The following TRIM36 variants were observed in gnomAD, a reference collection of about 807,000 sequenced individuals.
The protein encoded by TRIM36 is E3 ubiquitin-protein ligase TRIM36.
Under a neutral mutation model 72.4 loss-of-function variants are expected in TRIM36, and 42 were observed. The ratio of observed to expected loss-of-function variants is 0.58; its 90% CI spans 0.45 to 0.75. The LOEUF (loss-of-function observed/expected upper bound fraction) is 0.75, where lower values mean the gene tolerates loss of function less well. TRIM36 is among the 30% of genes least tolerant of loss of function. TRIM36 has a pLI of 0.00. For missense variants in TRIM36, 913 were observed against 857.1 expected (o/e 1.07, Z -0.81); for synonymous variants, 315 against 282.8 (o/e 1.11, Z -1.14).
At chr5:115,134,185 T>C (rs775040804) in intron 7 of TRIM36, 38 bp from the exon 8 acceptor site, 28 of 1,498,642 alleles carry the variant, frequency 1.9e-5, no homozygotes, top group Admixed American at 1.2e-4. Context: ...CATTAAAATA[T>C]TGACATTTGA....
rs191402881 is a variant in TRIM36 at position 115,136,913 on chromosome 5, T to A, written c.1210+87A>T. ...GGGCAAGTGAGATGCTGCTTTATAA[T>A]GTCAAATTTAAGAGAACTTGTGTTT... On this transcript the variant is annotated intron_variant, in intron 7 of 9. Transcript: ENST00000513154. The A allele has an allele frequency of 3.5e-3, 4,636 of 1,337,204 alleles. 9 individuals are homozygous for A. The highest frequency in any genetic ancestry group is 0.011 in the Middle Eastern group (47 of 4,432). 82.8% of individuals were successfully genotyped at this position (1,337,204 alleles called of 1,614,324 possible).
At chr5:115,162,123 T>C (rs929833415) in intron 2 of TRIM36, among the ~76,000 whole-genome samples, 1 of 152,172 alleles carries the variant, frequency 6.6e-6, no homozygotes, top group African/African-American at 2.4e-5. Flanking sequence ...ATAAGAAAAC[T>C]ATCATATTCT....
chr5:115,165,381 T>C (rs1266743820), intron 1 of TRIM36, among the ~76,000 whole-genome samples: 1 of 152,220 alleles, frequency 6.6e-6, no homozygotes, highest in African/African-American at 2.4e-5. Flanking sequence ...GATATCCAGG[T>C]GTTTCTGTAC....
intron 2 of TRIM36, among the ~76,000 whole-genome samples, chr5:115,158,363 G>T (rs188750540): frequency 6.6e-6 from 1 of 152,114 alleles, no homozygotes. Context: ...TTGGTTTATA[G>T]CAAATCCCCT....
In TRIM36 at chr5:115,175,647, CCTT is replaced by C. The variant is rs199552279; in HGVS notation, c.63+4325_63+4327del. On this transcript the variant is annotated intron_variant, in intron 1 of 9. Transcript: ENST00000282369. The stretch of plus-strand genomic sequence containing the variant: ...CTTTTACAAAGTAGTTTAGGAGACA[CCTT>C]TTTTTTTCAAATTATCTTTAGCGCA... Among the ~76,000 whole-genome samples the C allele has an allele frequency of 5.4e-3, 813 of 151,546 alleles. 1 individual carries two copies. Among genetic ancestry groups the C allele is most frequent in the Non-Finnish European group, 8.3e-3 (564 of 67,914 alleles).
chr5:115,177,777 T>C, intron 1 of TRIM36: 1 of 1,614,062 alleles, frequency 6.2e-7, no homozygotes, highest in Non-Finnish European at 8.5e-7. Context: ...GAGACTGCTT[T>C]CCAACCTCAG....
intron 1 of TRIM36, chr5:115,179,957 C>T (rs775801431): frequency 7.4e-6 from 12 of 1,613,572 alleles, no homozygotes; most frequent in South Asian, 6.6e-5. Flanking sequence ...CCGCGGCGCC[C>T]CGCGCCTCAT....
At chr5:115,149,569 GAAAAAAA>G (rs748596152) in intron 2 of TRIM36, 7 of 19,264 alleles carry the variant, frequency 3.6e-4, no homozygotes, top group East Asian at 2.2e-3. Context: ...TCAGAAATTT[GAAAAAAA>G]AAAAAAAAAA....
chr5:115,168,493 T>TAA (rs1466298565), intron 1 of TRIM36, among the ~76,000 whole-genome samples: 2 of 152,254 alleles, frequency 1.3e-5, no homozygotes. Flanking sequence ...TTGACTTAAC[T>TAA]AAATGTAATG....
At chr5:115,157,833 G>C (rs1359770882) in intron 2 of TRIM36, among the ~76,000 whole-genome samples, 5 of 152,138 alleles carry the variant, frequency 3.3e-5, no homozygotes, top group African/African-American at 1.2e-4. Flanking sequence ...TGAGACTGGA[G>C]ACTATTATTC....
At chr5:115,178,013 C>G (rs1755424265) in intron 1 of TRIM36, 1 of 846,724 alleles carries the variant, frequency 1.2e-6, no homozygotes, top group African/African-American at 1.7e-5. Context: ...TTTTGTTTAC[C>G]TGACTTGATT....
At chr5:115,177,845 G>A in intron 1 of TRIM36, 1 of 1,614,158 alleles carries the variant, frequency 6.2e-7, no homozygotes, top group Admixed American at 1.7e-5. Context: ...GAATGCTCAT[G>A]GGTTTGCTGC....
chr5:115,137,582 G>A lies in TRIM36; in HGVS notation c.866C>T (p.Thr289Ile), dbSNP rs943342786. ...NGERAKEEAI[T>I]HFEKLFEVLE... ...AACTTCAAAGAGCTTTTCAAAATGTGTAATTGCTTCTTCTTTAGCCCTCTC... is the reference window on the plus strand; with the variant it reads ...AACTTCAAAGAGCTTTTCAAAATGTATAATTGCTTCTTCTTTAGCCCTCTC... Residue 289 changes from threonine to isoleucine, a missense_variant, in exon 6 of 10, where the codon ACA becomes ATA. Thr to Ile is a moderately conservative substitution (Grantham distance 89). Coordinates refer to ENST00000513154, the MANE Select transcript of TRIM36 (RefSeq NM_001300759.2). 1 of 1,612,344 alleles carries A rather than the reference G, an allele frequency of 6.2e-7. No homozygotes were observed. Among genetic ancestry groups the A allele is most frequent in the Non-Finnish European group, 8.5e-7 (1 of 1,179,444 alleles).
intron 2 of TRIM36, among the ~76,000 whole-genome samples, chr5:115,161,045 T>G (rs1344978088): frequency 2.6e-5 from 4 of 152,226 alleles, no homozygotes; most frequent in Non-Finnish European, 2.9e-5. Context: ...CATTAAAACC[T>G]CCAGGAATGA....
At chr5:115,146,124 A>G (rs1349114811) in intron 3 of TRIM36, among the ~76,000 whole-genome samples, 2 of 152,216 alleles carry the variant, frequency 1.3e-5, no homozygotes, top group Admixed American at 1.3e-4. Flanking sequence ...AGCATTTAAA[A>G]TGAGGAACAT....
upstream of TRIM36, among the ~76,000 whole-genome samples, chr5:115,170,314 C>G (rs1003944056): frequency 1.3e-5 from 2 of 152,238 alleles, no homozygotes; most frequent in East Asian, 3.9e-4. Context: ...GCCCCTGGCC[C>G]TGCGCTGCCA....
rs746348827 is a variant in TRIM36, at chr5:115,137,030, G to C, written c.1180C>G (p.Leu394Val). ...GAGAAAAAGGATAATTCTCCAAGAA[G>C]TTCTGTTTGTTTAGAGGTATTAACA... ...YVVNTSKQTE[L>V]LGELSFFSSG... The change falls in exon 7 of 10, where the codon CTT (leucine) becomes GTT (valine). Residue 394 changes from leucine (L) to valine (V), a missense_variant. Coordinates refer to ENST00000513154, the MANE Select transcript of TRIM36 (RefSeq NM_001300759.2). 1.2e-6 allele frequency: 2 copies of C among 1,605,532 alleles called. No individual in the cohort carries two copies. Among genetic ancestry groups the C allele is most frequent in the South Asian group, 2.3e-5 (2 of 88,664 alleles).
intron 1 of TRIM36, 56 bp downstream of exon 1, chr5:115,169,552 A>G: frequency 6.7e-7 from 1 of 1,482,632 alleles, no homozygotes; most frequent in Non-Finnish European, 9.0e-7. Context: ...AAAGAGAAAG[A>G]GCCGCGGTCG....
At chr5:115,155,174 A>G (rs1333947668) in intron 2 of TRIM36, among the ~76,000 whole-genome samples, 1 of 150,714 alleles carries the variant, frequency 6.6e-6, no homozygotes, top group Non-Finnish European at 1.5e-5. Flanking sequence ...GGGCAACAAG[A>G]GCAAAACACT....
Sources: gnomAD v4.1 joint callset for allele counts (sites outside exome capture counted in the v4.1 genomes callset) on GRCh38, gnomAD v4.1.1 for gene constraint, MANE v1.5 for transcripts, NCBI Gene and HGNC (gene_info 2026-07-23, HGNC 2026-07-21) for gene names.